The following IFI27L1 variants were observed in gnomAD, a reference collection of about 807,000 sequenced individuals.
The protein encoded by IFI27L1 is interferon alpha inducible protein 27 like 1.
A neutral mutation model predicts 9.2 loss-of-function variants in IFI27L1; 3 were observed. That is an observed-to-expected ratio of 0.32 (90% CI 0.15 to 0.84). IFI27L1 has a LOEUF of 0.84. Among genes scored for constraint, IFI27L1 ranks in the 40% least tolerant of loss-of-function variants. The pLI is 0.56. For synonymous variants in IFI27L1, 53 were observed against 50.0 expected (o/e 1.06, Z -0.26); for missense variants, 133 against 134.2 (o/e 0.99, Z 0.05).
intron 2 of IFI27L1, among the ~76,000 whole-genome samples, chr14:94,097,987 C>T (rs1435040558): frequency 1.3e-5 from 2 of 152,156 alleles, no homozygotes; most frequent in Admixed American, 6.5e-5. Flanking sequence ...GGGGCTAAAG[C>T]AGGGGAGTCT....
In IFI27L1 at chr14:94,101,937, TTGC is replaced by T; in HGVS notation, c.191_193del (p.Ala64del). 6.2e-7 allele frequency: 1 copy of T among 1,613,926 alleles called. No individual in the cohort carries two copies. The highest frequency in any genetic ancestry group is 8.5e-7 in the Non-Finnish European group (1 of 1,179,958). ...GCAGCCATTGCCAACGGGGGCGGAG[TTGC>T]TGCTGGCAGTCTGGTGGCTATTCTG... is the stretch of plus-strand genomic sequence containing the variant. On this transcript the variant is annotated inframe_deletion, in exon 4 of 5. Coordinates refer to ENST00000555523, the MANE Select transcript of IFI27L1 (RefSeq NM_206949.3).
intron 1 of IFI27L1, among the ~76,000 whole-genome samples, chr14:94,096,282 C>T (rs1886660011): frequency 6.6e-6 from 1 of 152,224 alleles, no homozygotes; most frequent in Non-Finnish European, 1.5e-5. Context: ...CCCTGTACCA[C>T]AGCAGCCAGT....
chr14:94,097,542 A>T lies in IFI27L1; in HGVS notation c.28+577A>T, dbSNP rs111498133. The T allele has an allele frequency of 2.6e-4, 175 of 684,116 alleles. No individual in the cohort carries two copies. In the African/African-American group the frequency reaches 2.6e-3, roughly 10 times the overall value. The allele number at this position is 684,116 out of a possible 1,614,324, so 42.4% of individuals were successfully genotyped here. A position where few individuals can be genotyped will look rare whatever the true frequency, so the allele number is the denominator to read the frequency against. ...TGAGAGGATGGATTCCGGGTTCAGC[A>T]GTGACTTGGGCCAGAGCAGAGGCAG... On this transcript the variant is annotated intron_variant, in intron 2 of 4. Transcript: ENST00000555523.
chr14:94,082,049 AAGTT>A (rs1279147223), intron 1 of IFI27L1, among the ~76,000 whole-genome samples: 2 of 152,266 alleles, frequency 1.3e-5, no homozygotes, highest in African/African-American at 4.8e-5. Context: ...TTGCACCAAA[AAGTT>A]AGCCAGTTTG....
chr14:94,098,452 C>T (rs572506736), intron 2 of IFI27L1, among the ~76,000 whole-genome samples: 35 of 152,218 alleles, frequency 2.3e-4, no homozygotes, highest in Non-Finnish European at 4.4e-4. Context: ...AGGGCCCACC[C>T]TACTCCAGTA....
intron 2 of IFI27L1, chr14:94,097,401 G>A: frequency 1.7e-6 from 1 of 578,158 alleles, no homozygotes; most frequent in Non-Finnish European, 3.1e-6. Flanking sequence ...TCATAGGCAT[G>A]TGTGCCTGAG....
intron 1 of IFI27L1, among the ~76,000 whole-genome samples, chr14:94,091,443 A>G (rs1218376399): frequency 6.6e-6 from 1 of 152,228 alleles, no homozygotes; most frequent in Non-Finnish European, 1.5e-5. Context: ...ACAGCCAAGA[A>G]AGCCAAACAC....
intron 2 of IFI27L1, chr14:94,097,609 A>G (rs564688885): frequency 2.8e-5 from 20 of 702,074 alleles, no homozygotes; most frequent in Non-Finnish European, 3.4e-5. Context: ...CCACTGAGAG[A>G]CGCGGGTGGC....
chr14:94,089,807 T>C (rs1464561214), intron 1 of IFI27L1, among the ~76,000 whole-genome samples: 1 of 152,160 alleles, frequency 6.6e-6, no homozygotes, highest in African/African-American at 2.4e-5. Flanking sequence ...TTCTGTAATT[T>C]CTTCAGACTG....
chr14:94,102,042 C>T, intron 4 of IFI27L1, 67 bp downstream of exon 4: 7 of 1,519,738 alleles, frequency 4.6e-6, no homozygotes, highest in Non-Finnish European at 5.5e-6. Flanking sequence ...ACCAGGGAGG[C>T]CTCTCCTCTC....
chr14:94,092,236 G>C (rs113053680), intron 1 of IFI27L1, among the ~76,000 whole-genome samples: 1 of 151,948 alleles, frequency 6.6e-6, no homozygotes, highest in African/African-American at 2.4e-5. Flanking sequence ...AAACCTGGCC[G>C]TGCGCTCTGG....
chr14:94,092,397 G>T (rs528393892), intron 1 of IFI27L1, among the ~76,000 whole-genome samples: 3 of 151,848 alleles, frequency 2.0e-5, no homozygotes, highest in African/African-American at 7.3e-5. Context: ...TGTAATCCCA[G>T]CTACTCAGGA....
chr14:94,090,113 G>T lies in IFI27L1; in HGVS notation c.-51-6774G>T, dbSNP rs953051822. Among the ~76,000 whole-genome samples, 3 of 152,136 alleles carry T rather than the reference G, an allele frequency of 2.0e-5. No individual in the cohort carries two copies. In the South Asian group the frequency reaches 6.2e-4, roughly 32 times the overall value. On this transcript the variant is annotated intron_variant, in intron 1 of 4. Coordinates refer to ENST00000555523, the MANE Select transcript of IFI27L1 (RefSeq NM_206949.3). ...GCTTTCCAGGAACTGGGCAATTGTT[G>T]GAACCAAGCTGATATGGGGGTCTCT... is the stretch of plus-strand genomic sequence containing the variant.
chr14:94,096,396 A>G (rs74440441), intron 1 of IFI27L1, among the ~76,000 whole-genome samples: 3,591 of 152,266 alleles, frequency 0.024, 140 homozygotes, highest in African/African-American at 0.082. Context: ...ATAAATATCT[A>G]TTCAAGACTA....
rs1465516512 is a variant in IFI27L1 at position 94,102,513 on chromosome 14, G to C, written c.260G>C (p.Gly87Ala). 4 of 1,594,526 alleles carry C rather than the reference G, an allele frequency of 2.5e-6. No homozygotes were observed. The South Asian group carries it at 4.5e-5, about 18-fold the overall frequency. The change falls in exon 5 of 5, where the codon GGG becomes GCG. Residue 87 changes from glycine to alanine, a missense_variant. Coordinates refer to ENST00000555523, the MANE Select transcript of IFI27L1 (RefSeq NM_206949.3). Reference sequence around the variant, plus strand: ...CTCTCTGTGACATCTAAAGTTATCGGGGGCTTTGCTGGGACAGCTCTTGGG... The same window carrying C: ...CTCTCTGTGACATCTAAAGTTATCGCGGGCTTTGCTGGGACAGCTCTTGGG... The part of the protein sequence containing the change: ...AGLSVTSKVI[G>A]GFAGTALGAW...
Position 94,100,780 on chromosome 14 carries a change from C to G in IFI27L1, c.61+9C>G, listed in dbSNP as rs764635026. On this transcript the variant is annotated intron_variant, in intron 3 of 4. Transcript: ENST00000555523. ...AGCTGTGGTCGGAGGAGGTGAGTCT[C>G]TATGGGAAGGAACTCAAGCCCCCAT... The G allele has an allele frequency of 1.9e-6, 3 of 1,613,552 alleles. No homozygotes were observed. Among genetic ancestry groups the G allele is most frequent in the East Asian group, 2.2e-5 (1 of 44,862 alleles).
chr14:94,084,125 T>G (rs1369433603), intron 1 of IFI27L1, among the ~76,000 whole-genome samples: 1 of 152,200 alleles, frequency 6.6e-6, no homozygotes, highest in Non-Finnish European at 1.5e-5. Context: ...TATTCTTATT[T>G]CAAAGATGAA....
rs756676117 is a variant in IFI27L1 at position 94,096,933 on chromosome 14, C to T, written c.-5C>T. 1 of 1,613,500 alleles carries T rather than the reference C, an allele frequency of 6.2e-7. No individual in the cohort carries two copies. The highest frequency in any genetic ancestry group is 2.2e-5 in the East Asian group (1 of 44,880). On this transcript the variant is annotated 5_prime_UTR_variant, in exon 2 of 5. Transcript: ENST00000555523. Reference sequence around the variant, plus strand: ...TGGAGGCTCACCGAGGCGAAGGGGCCAACCATGGGAAAGGAGAGTGGATGG... The same window carrying T: ...TGGAGGCTCACCGAGGCGAAGGGGCTAACCATGGGAAAGGAGAGTGGATGG...
At chr14:94,100,915 C>A (rs140206558) in intron 3 of IFI27L1, 144 bp downstream of exon 3, 2 of 879,862 alleles carry the variant, frequency 2.3e-6, no homozygotes, top group African/African-American at 3.3e-5. Context: ...TGATGGGGAC[C>A]TTAGAGCAGC....
Sources: gnomAD v4.1 joint callset for allele counts (sites outside exome capture counted in the v4.1 genomes callset) on GRCh38, gnomAD v4.1.1 for gene constraint, MANE v1.5 for transcripts, NCBI Gene and HGNC (gene_info 2026-07-23, HGNC 2026-07-21) for gene names.